Variants in TMCO6 observed in about 807,000 individuals in gnomAD.
The protein encoded by TMCO6 is transmembrane and coiled-coil domains 6, also known as transmembrane and coiled-coil domain-containing protein 6.
Under a neutral mutation model 61.8 loss-of-function variants are expected in TMCO6, and 47 were observed. That is an observed-to-expected ratio of 0.76 (90% CI 0.60 to 0.97). TMCO6 has a LOEUF of 0.97. Ranked by LOEUF, TMCO6 falls within the 50% of genes least tolerant of loss-of-function variation. TMCO6 has a pLI of 0.00. For missense variants in TMCO6, 557 were observed against 601.6 expected (o/e 0.93, Z 0.78); for synonymous variants, 261 against 254.2 (o/e 1.03, Z -0.25).
chr5:140,637,974 C>CCTTTCTTTCTTTCTTTCTTT (rs202156970), upstream of TMCO6, among the ~76,000 whole-genome samples: 1 of 150,408 alleles, frequency 6.6e-6, no homozygotes, highest in African/African-American at 2.5e-5. Context: ...TTCTTTTCTC[C>CCTTTCTTTCTTTCTTTCTTT]CTTTCTTTCT....
Position 140,643,799 on chromosome 5 carries a change from G to C in TMCO6, c.938G>C (p.Arg313Pro). The C allele has an allele frequency of 1.2e-6, 2 of 1,614,112 alleles. No homozygotes were observed. Among genetic ancestry groups the C allele is most frequent in the Non-Finnish European group, 1.7e-6 (2 of 1,179,994 alleles). The change falls in exon 9 of 12, where the codon CGA (arginine) becomes CCA (proline). Residue 313 changes from arginine (R) to proline (P), a missense_variant. Transcript: ENST00000394671. ...TTGCAGCTGGCATGCCCCGTGCTTC[G>C]ATGTCTAAGCAACCTGCTAACTGAG... ...GLELLACPVL[R>P]CLSNLLTEAA...
downstream of TMCO6, chr5:140,647,057 C>A (rs1397369190): frequency 4.9e-6 from 3 of 616,534 alleles, no homozygotes; most frequent in Non-Finnish European, 8.0e-6. Flanking sequence ...GGTCAGCCTG[C>A]ATACTTATGT....
rs1331890500 is a variant in TMCO6, at chr5:140,639,765, C to G, written c.112C>G (p.Gln38Glu). ...ACTGCGGAAGGCGCGGAGGGAGCAG[C>G]AGCTGGTCAGCAAGAGGCTGCTGAG... ...AALRKARREQ[Q>E]LVSKRLLRND... is the part of the protein sequence containing the mutation. Residue 38 changes from glutamine to glutamate, a missense_variant, in exon 2 of 12, where the codon CAG becomes GAG. Physicochemically the swap from Gln to Glu is conservative, Grantham distance 29. Transcript: ENST00000394671. 2 of 1,603,798 alleles carry G rather than the reference C, an allele frequency of 1.2e-6. No homozygotes were observed. Among genetic ancestry groups the G allele is most frequent in the Non-Finnish European group, 1.7e-6 (2 of 1,176,146 alleles).
chr5:140,601,863 T>C, the TMCO6 span, among the ~76,000 whole-genome samples: 2 of 152,202 alleles, frequency 1.3e-5, no homozygotes, highest in Admixed American at 1.3e-4. Flanking sequence ...AGTGAGTTAA[T>C]AATAAGCTTT....
At chr5:140,623,118 A>G in the TMCO6 span, among the ~76,000 whole-genome samples, 6 of 152,228 alleles carry the variant, frequency 3.9e-5, no homozygotes, top group African/African-American at 1.4e-4. Context: ...ACTAAGTTGT[A>G]TGTAAGAAAA....
the TMCO6 span, among the ~76,000 whole-genome samples, chr5:140,605,222 G>A: frequency 6.6e-6 from 1 of 152,056 alleles, no homozygotes; most frequent in Non-Finnish European, 1.5e-5. Flanking sequence ...ATCCCCAATA[G>A]TTTTTTTGTG....
Position 140,642,658 on chromosome 5 carries a change from G to C in TMCO6, c.676G>C (p.Glu226Gln). 1 of 1,614,218 alleles carries C rather than the reference G, an allele frequency of 6.2e-7. No homozygotes were observed. The highest frequency in any genetic ancestry group is 1.1e-5 in the South Asian group (1 of 91,084). The part of the protein sequence containing the change: ...SQLLQAEEAP[E>Q]KIIPSILAST... ...GCTTCTACAGGCTGAGGAAGCTCCA[G>C]AGAAGATCATTCCGTGAGTAAAATT... Residue 226 changes from glutamate to glutamine, a missense_variant, in exon 6 of 12, where the codon GAG becomes CAG. Glu to Gln is a conservative substitution (Grantham distance 29). Coordinates refer to ENST00000394671, the MANE Select transcript of TMCO6 (RefSeq NM_018502.5).
the TMCO6 span, among the ~76,000 whole-genome samples, chr5:140,606,801 C>T: frequency 3.9e-5 from 6 of 151,984 alleles, no homozygotes; most frequent in Admixed American, 2.0e-4. Flanking sequence ...TGGTGGCATG[C>T]GCCTGTAGTC....
At chr5:140,616,867 G>GA in the TMCO6 span, among the ~76,000 whole-genome samples, 82,107 of 151,326 alleles carry the variant, frequency 0.54, 22,614 homozygotes, top group African/African-American at 0.6. Context: ...GTAACATGAT[G>GA]AACTCTATCT....
chr5:140,642,680 A>G lies in TMCO6; in HGVS notation c.689+9A>G. ...CCAGAGAAGATCATTCCGTGAGTAA[A>G]ATTGTCTTTAGATGTGCAGCCAGAG... On this transcript the variant is annotated intron_variant, in intron 6 of 11. Coordinates refer to ENST00000394671, the MANE Select transcript of TMCO6 (RefSeq NM_018502.5). 1.2e-6 allele frequency: 2 copies of G among 1,614,004 alleles called. No homozygotes were observed. Among genetic ancestry groups the G allele is most frequent in the Non-Finnish European group, 8.5e-7 (1 of 1,179,998 alleles).
chr5:140,644,609 C>G lies in TMCO6; in HGVS notation c.1237C>G (p.Pro413Ala). The G allele has an allele frequency of 6.2e-7, 1 of 1,614,222 alleles. No individual in the cohort carries two copies. Among genetic ancestry groups the G allele is most frequent in the South Asian group, 1.1e-5 (1 of 91,088 alleles). Residue 413 changes from proline to alanine, a missense_variant, in exon 11 of 12, where the codon CCT becomes GCT. By Grantham distance (27) the Pro-to-Ala change is conservative. Transcript: ENST00000394671. ...TCTGTGCAATGTTGCAGAAAAGGGT[C>G]CTGCTTACTGCCAGCGGCTGTGGCC... ...TVLCNVAEKG[P>A]AYCQRLWPGP... is the part of the protein sequence containing the mutation.
chr5:140,622,584 T>A, the TMCO6 span, among the ~76,000 whole-genome samples: 1 of 152,124 alleles, frequency 6.6e-6, no homozygotes, highest in South Asian at 2.1e-4. Context: ...TGAAAAGAAA[T>A]TCAGAACTGT....
chr5:140,642,097 A>T, intron 4 of TMCO6, 44 bp downstream of exon 4: 1 of 1,576,382 alleles, frequency 6.3e-7, no homozygotes, highest in Non-Finnish European at 8.7e-7. Context: ...TTAGATTTTA[A>T]AATTGTGCTT....
the TMCO6 span, among the ~76,000 whole-genome samples, chr5:140,603,555 G>A: frequency 2.0e-5 from 3 of 152,072 alleles, no homozygotes; most frequent in Non-Finnish European, 1.5e-5. Context: ...TGATCTGCCC[G>A]CCTCGGCCTC....
chr5:140,642,725 A>G, intron 6 of TMCO6, 54 bp downstream of exon 6: 1 of 1,594,500 alleles, frequency 6.3e-7, no homozygotes, highest in Non-Finnish European at 8.6e-7. Context: ...TCAGTAGTAT[A>G]GCTCCCGGAT....
At chr5:140,630,744 A>G in the TMCO6 span, among the ~76,000 whole-genome samples, 2 of 152,154 alleles carry the variant, frequency 1.3e-5, no homozygotes, top group African/African-American at 2.4e-5. Context: ...ACATATTTTG[A>G]GTCTGGTTCT....
At chr5:140,628,253 C>T in the TMCO6 span, among the ~76,000 whole-genome samples, 71 of 152,154 alleles carry the variant, frequency 4.7e-4, no homozygotes, top group East Asian at 0.013. Flanking sequence ...GATATTCTGA[C>T]TTGTCCTATA....
In TMCO6 at chr5:140,645,330, C is replaced by A. The variant is rs189556993; in HGVS notation, c.*232C>A. The A allele has an allele frequency of 2.2e-5, 16 of 732,350 alleles. No homozygotes were observed. Among genetic ancestry groups the A allele is most frequent in the South Asian group, 1.7e-4 (11 of 66,102 alleles). The allele number at this position is 732,350 out of a possible 1,614,324, so 45.4% of individuals were successfully genotyped here. ...TCTGGGGCCCTAGAATCCCTGCCCC[C>A]CCGCCACCCTTCATGTTTGCTTCAG... On this transcript the variant is annotated 3_prime_UTR_variant, in exon 12 of 12. Transcript: ENST00000394671.
At chr5:140,647,134 G>T, downstream of TMCO6, 2 of 1,069,998 alleles carry the variant, frequency 1.9e-6, no homozygotes, top group Non-Finnish European at 2.6e-6. Context: ...AAGATCAACA[G>T]CAAGGCTAAA....
Sources: allele counts gnomAD v4.1 joint callset (sites outside exome capture counted in the v4.1 genomes callset), GRCh38; gene constraint gnomAD v4.1.1; transcripts MANE v1.5; gene names NCBI Gene and HGNC (gene_info 2026-07-23, HGNC 2026-07-21).